The following ALMS1 variants were observed in gnomAD, a reference collection of about 807,000 sequenced individuals.
ALMS1 encodes ALMS1 centrosome and basal body associated protein.
Under a neutral mutation model 352.2 loss-of-function variants are expected in ALMS1, and 271 were observed. The ratio of observed to expected loss-of-function variants is 0.77; its 90% CI spans 0.70 to 0.85. The LOEUF is 0.85. Ranked by LOEUF, ALMS1 falls within the 40% of genes least tolerant of loss-of-function variation. The pLI is 0.00. For missense variants in ALMS1, 5,445 were observed against 4,870.7 expected (o/e 1.12, Z -3.51); for synonymous variants, 1,865 against 1,761.2 (o/e 1.06, Z -1.48).
chr2:73,544,390 A>G (rs1472508209), intron 12 of ALMS1, among the ~76,000 whole-genome samples: 4 of 152,198 alleles, frequency 2.6e-5, no homozygotes, highest in African/African-American at 7.2e-5. Context: ...GGGGAGGGAT[A>G]GCATTAGGAG....
intron 1 of ALMS1, among the ~76,000 whole-genome samples, chr2:73,386,486 G>A (rs1037849123): frequency 2.0e-5 from 3 of 152,196 alleles, no homozygotes; most frequent in African/African-American, 7.2e-5. Flanking sequence ...GAGGACCACG[G>A]GTGTGTCGAG....
intron 16 of ALMS1, 142 bp downstream of exon 16, chr2:73,573,566 A>G: frequency 1.2e-6 from 1 of 847,400 alleles, no homozygotes; most frequent in Admixed American, 2.0e-5. Flanking sequence ...AAGAGTGAGA[A>G]AGTGTAGTAC....
At chr2:73,564,820 C>G (rs562510165) in intron 15 of ALMS1, among the ~76,000 whole-genome samples, 4 of 152,258 alleles carry the variant, frequency 2.6e-5, no homozygotes, top group African/African-American at 9.6e-5. Context: ...AGTAAGAAAA[C>G]TGCCTGTTTT....
In ALMS1 at chr2:73,537,834, C is replaced by T. The variant is rs147479153; in HGVS notation, c.9907+2885C>T. 1.3e-3 allele frequency among the ~76,000 whole-genome samples: 202 copies of T among 152,040 alleles called. 4 individuals carry two copies. The Middle Eastern group carries it at 0.02, about 15-fold the overall frequency. On this transcript the variant is annotated intron_variant, in intron 12 of 22. Transcript: ENST00000613296. The stretch of plus-strand genomic sequence containing the variant: ...TCAGCCTGGGCAATGTAGTAAGACC[C>T]TGTCTCTACAAAAAATTAAAAATCA...
chr2:73,490,898 T>C lies in ALMS1; in HGVS notation c.8939T>C (p.Met2980Thr). Residue 2980 changes from methionine to threonine, a missense_variant, in exon 10 of 23, where the codon ATG becomes ACG. Met to Thr is a moderately conservative substitution (Grantham distance 81). Coordinates refer to ENST00000613296, the MANE Select transcript of ALMS1 (RefSeq NM_001378454.1). ...QSKAPGVDDQ[M>T]NKHHFPLPQG... ...AAAGCGCCAGGTGTAGATGACCAAA[T>C]GAATAAACACCATTTTCCCCTTCCT... 1 of 1,613,858 alleles carries C rather than the reference T, an allele frequency of 6.2e-7. No individual in the cohort carries two copies. The highest frequency in any genetic ancestry group is 8.5e-7 in the Non-Finnish European group (1 of 1,179,940).
At chr2:73,586,473 A>G (rs2104147820) in intron 16 of ALMS1, among the ~76,000 whole-genome samples, 1 of 152,270 alleles carries the variant, frequency 6.6e-6, no homozygotes, top group South Asian at 2.1e-4. Flanking sequence ...GTGGCTTGCT[A>G]ATTATCCCAG....
At chr2:73,421,787 A>G (rs1293748113) in intron 3 of ALMS1, among the ~76,000 whole-genome samples, 2 of 152,188 alleles carry the variant, frequency 1.3e-5, no homozygotes, top group Non-Finnish European at 2.9e-5. Context: ...GACAGATGAC[A>G]ACATGGTGAG....
intron 1 of ALMS1, among the ~76,000 whole-genome samples, chr2:73,397,165 C>T (rs1670780824): frequency 6.6e-6 from 1 of 152,122 alleles, no homozygotes; most frequent in Non-Finnish European, 1.5e-5. Context: ...TTTTAATTCT[C>T]AAAGTTGTCG....
intron 16 of ALMS1, among the ~76,000 whole-genome samples, chr2:73,574,428 AT>A (rs1304727517): frequency 6.6e-6 from 1 of 152,140 alleles, no homozygotes; most frequent in Non-Finnish European, 1.5e-5. Flanking sequence ...TAAAATTTAT[AT>A]TTTTGTGTAT....
rs763422278 is a variant in ALMS1 at position 73,452,981 on chromosome 2, T to C, written c.6454T>C (p.Tyr2152His). ...ACATCGAGAGAAACCAGATATTTTC[T>C]ATCAAAAGGATTTGCCAGATAGACA... ...FSHREKPDIF[Y>H]QKDLPDRHLT... The change falls in exon 8 of 23, where the codon TAT becomes CAT. Residue 2152 changes from tyrosine (Y) to histidine (H), a missense_variant. Transcript: ENST00000613296. 4 of 1,612,242 alleles carry C rather than the reference T, an allele frequency of 2.5e-6. No individual in the cohort carries two copies. The highest frequency in any genetic ancestry group is 3.4e-6 in the Non-Finnish European group (4 of 1,179,146).
intron 10 of ALMS1, among the ~76,000 whole-genome samples, chr2:73,509,489 A>T (rs556164008): frequency 1.1e-4 from 17 of 152,292 alleles, no homozygotes; most frequent in African/African-American, 3.6e-4. Flanking sequence ...ACCTGTCTGT[A>T]AAGGATTTTA....
At chr2:73,558,857 CTTT>C in intron 14 of ALMS1, 112 bp from the exon 15 acceptor site, 3 of 1,173,282 alleles carry the variant, frequency 2.6e-6, no homozygotes, top group Non-Finnish European at 3.6e-6. Flanking sequence ...TCTGAGTCAT[CTTT>C]TTTCTTCAAT....
intron 13 of ALMS1, 102 bp downstream of exon 13, chr2:73,550,539 A>G: frequency 1.4e-6 from 2 of 1,455,140 alleles, no homozygotes; most frequent in South Asian, 2.4e-5. Flanking sequence ...TTTGTTATAC[A>G]AGCTTTTCTC....
intron 12 of ALMS1, among the ~76,000 whole-genome samples, chr2:73,536,932 C>T (rs1674042050): frequency 6.6e-6 from 1 of 152,220 alleles, no homozygotes; most frequent in Non-Finnish European, 1.5e-5. Flanking sequence ...CCCAGTACCT[C>T]AGCTCAGTGA....
intron 6 of ALMS1, 92 bp from the exon 7 acceptor site, chr2:73,432,106 T>G (rs1044190146): frequency 1.2e-5 from 11 of 947,890 alleles, no homozygotes; most frequent in Non-Finnish European, 1.7e-5. Flanking sequence ...AATTAATATC[T>G]TATTTTCTTC....
At chr2:73,397,606 T>A (rs1490990300) in intron 1 of ALMS1, among the ~76,000 whole-genome samples, 2 of 152,176 alleles carry the variant, frequency 1.3e-5, no homozygotes, top group South Asian at 2.1e-4. Context: ...TAGCTGGGTT[T>A]ACAGGCATAT....
intron 7 of ALMS1, 57 bp from the exon 8 acceptor site, chr2:73,447,903 C>T: frequency 1.3e-6 from 2 of 1,508,778 alleles, no homozygotes; most frequent in Non-Finnish European, 1.8e-6. Context: ...TTTTCCAGCA[C>T]ATAGAATTTT....
intron 11 of ALMS1, among the ~76,000 whole-genome samples, chr2:73,524,653 A>G (rs568587752): frequency 6.6e-6 from 1 of 152,030 alleles, no homozygotes; most frequent in South Asian, 2.1e-4. Context: ...GGGTTTCACC[A>G]TGTTGGCCAG....
intron 11 of ALMS1, among the ~76,000 whole-genome samples, chr2:73,526,709 T>C (rs918842454): frequency 1.3e-5 from 2 of 152,144 alleles, no homozygotes; most frequent in African/African-American, 4.8e-5. Context: ...ATTGTATCAT[T>C]TGCAAACAAG....
Sources: allele counts gnomAD v4.1 joint callset (sites outside exome capture counted in the v4.1 genomes callset), GRCh38; gene constraint gnomAD v4.1.1; transcripts MANE v1.5; gene names NCBI Gene and HGNC (gene_info 2026-07-23, HGNC 2026-07-21).